Variants in NALF1 observed in about 807,000 individuals in gnomAD.
NALF1 encodes NALCN channel auxiliary factor 1.
NALF1 carries 3 observed loss-of-function variants against 48.4 expected under a neutral mutation model. The ratio of observed to expected loss-of-function variants is 0.06; its 90% CI spans 0.03 to 0.16. NALF1 has a LOEUF of 0.16. NALF1 is among the 10% of genes least tolerant of loss of function. The probability of loss-of-function intolerance (pLI) is 1.00; values close to 1 mark genes in which losing one functional copy is unlikely to be tolerated. For missense variants in NALF1, 526 were observed against 571.5 expected (o/e 0.92, Z 0.81); for synonymous variants, 262 against 245.7 (o/e 1.07, Z -0.62).
At chr13:107,575,616 A>T (rs9301234) in intron 1 of NALF1, among the ~76,000 whole-genome samples, 56,152 of 151,998 alleles carry the variant, frequency 0.37, 11,348 homozygotes, top group South Asian at 0.53. Context: ...TGCTAGATGT[A>T]GCCCATTTCC....
At chr13:107,432,545 G>C (rs1001087539) in intron 1 of NALF1, among the ~76,000 whole-genome samples, 2 of 152,132 alleles carry the variant, frequency 1.3e-5, no homozygotes, top group African/African-American at 2.4e-5. Context: ...GCTTCCCCGG[G>C]TGATTGAAAT....
chr13:107,713,759 A>G (rs1875670230), intron 1 of NALF1, among the ~76,000 whole-genome samples: 2 of 152,236 alleles, frequency 1.3e-5, no homozygotes. Flanking sequence ...ATTTATCAGT[A>G]ATTTTTCTGT....
At chr13:107,544,711 G>A (rs916998506) in intron 1 of NALF1, among the ~76,000 whole-genome samples, 2 of 152,156 alleles carry the variant, frequency 1.3e-5, no homozygotes, top group African/African-American at 4.8e-5. Flanking sequence ...CCAGGGAGAA[G>A]CCTATTATTG....
At chr13:107,862,473 A>T (rs942328549) in intron 1 of NALF1, among the ~76,000 whole-genome samples, 7 of 152,054 alleles carry the variant, frequency 4.6e-5, no homozygotes, top group Non-Finnish European at 7.4e-5. Flanking sequence ...ACAGGGGAAA[A>T]TTTCTGCTGT....
In NALF1 at chr13:107,299,435, CAATAATAATAATAAT is replaced by C. The variant is rs549026613; in HGVS notation, c.916-88695_916-88681del. 3.6e-4 allele frequency among the ~76,000 whole-genome samples: 45 copies of C among 124,144 alleles called. 1 individual carries two copies. In the South Asian group the frequency reaches 0.014, roughly 39 times the overall value. 81.4% of individuals were successfully genotyped at this position (124,144 alleles called of 152,430 possible). ...TGGGCTACAGAGCGAGACTTTGTCT[CAATAATAATAATAAT>C]AATAATAATAATAATAATAATAAAT... On this transcript the variant is annotated intron_variant, in intron 1 of 2. Coordinates refer to ENST00000375915, the MANE Select transcript of NALF1 (RefSeq NM_001080396.3).
At chr13:107,474,579 C>T (rs1885150308) in intron 1 of NALF1, among the ~76,000 whole-genome samples, 2 of 152,152 alleles carry the variant, frequency 1.3e-5, no homozygotes, top group East Asian at 1.9e-4. Flanking sequence ...AATACACATA[C>T]ATACATACAG....
intron 1 of NALF1, among the ~76,000 whole-genome samples, chr13:107,347,113 AT>A (rs943936207): frequency 3.3e-5 from 5 of 152,168 alleles, no homozygotes; most frequent in African/African-American, 1.2e-4. Flanking sequence ...AAGTGTTCAT[AT>A]TTTTTAATGG....
chr13:107,774,336 G>A (rs1295871761), intron 1 of NALF1, among the ~76,000 whole-genome samples: 1 of 152,156 alleles, frequency 6.6e-6, no homozygotes, highest in Non-Finnish European at 1.5e-5. Context: ...ATCAGCTAGG[G>A]AAATGAAGTC....
At chr13:107,539,657 A>G (rs1410875730) in intron 1 of NALF1, among the ~76,000 whole-genome samples, 1 of 152,214 alleles carries the variant, frequency 6.6e-6, no homozygotes, top group Non-Finnish European at 1.5e-5. Flanking sequence ...ATAGTATAAA[A>G]TACACAAAAT....
chr13:107,438,015 A>G (rs1250366729), intron 1 of NALF1, among the ~76,000 whole-genome samples: 1 of 152,234 alleles, frequency 6.6e-6, no homozygotes, highest in African/African-American at 2.4e-5. Flanking sequence ...TAATTATATA[A>G]CATATGTGAT....
chr13:107,450,933 T>C (rs568474578), intron 1 of NALF1, among the ~76,000 whole-genome samples: 1 of 152,338 alleles, frequency 6.6e-6, no homozygotes, highest in East Asian at 1.9e-4. Flanking sequence ...CTGGAGATGA[T>C]GTTTCCATCC....
At chr13:107,206,822 G>A (rs1420834881) in intron 2 of NALF1, among the ~76,000 whole-genome samples, 2 of 152,172 alleles carry the variant, frequency 1.3e-5, no homozygotes, top group African/African-American at 4.8e-5. Flanking sequence ...GTGCAGTTAC[G>A]TGCTTACAGA....
At chr13:107,254,321 C>T (rs1408399844) in intron 1 of NALF1, among the ~76,000 whole-genome samples, 2 of 152,232 alleles carry the variant, frequency 1.3e-5, no homozygotes, top group African/African-American at 2.4e-5. Flanking sequence ...AAAGCACGCA[C>T]GCTCAGCCTT....
intron 1 of NALF1, among the ~76,000 whole-genome samples, chr13:107,740,100 G>A (rs1354540248): frequency 6.6e-6 from 1 of 152,184 alleles, no homozygotes; most frequent in Non-Finnish European, 1.5e-5. Context: ...CCCCCAGTCT[G>A]TGGAAAAATT....
chr13:107,211,218 C>T (rs142356487), intron 1 of NALF1, among the ~76,000 whole-genome samples: 39 of 152,274 alleles, frequency 2.6e-4, no homozygotes, highest in African/African-American at 8.9e-4. Flanking sequence ...ATAAAGATGG[C>T]CCAGCAGGGG....
At chr13:107,458,043 C>A (rs1455794363) in intron 1 of NALF1, among the ~76,000 whole-genome samples, 1 of 152,182 alleles carries the variant, frequency 6.6e-6, no homozygotes, top group Non-Finnish European at 1.5e-5. Flanking sequence ...GCCCTCAAAA[C>A]CCAAAGCAGT....
At position 107,210,571 on chromosome 13, in the gene NALF1, C is replaced by T; in HGVS notation, c.1087+13G>A. On this transcript the variant is annotated intron_variant, in intron 2 of 2. Coordinates refer to ENST00000375915, the MANE Select transcript of NALF1 (RefSeq NM_001080396.3). Reference sequence around the variant, plus strand: ...CCGGAGACTGGTGTACAGACTCCCACCCGGCACTGTACCTGTACAGATGAA... The same window carrying T: ...CCGGAGACTGGTGTACAGACTCCCATCCGGCACTGTACCTGTACAGATGAA... The T allele has an allele frequency of 1.3e-6, 2 of 1,598,320 alleles. No individual in the cohort carries two copies. The highest frequency in any genetic ancestry group is 2.2e-5 in the East Asian group (1 of 44,802).
intron 1 of NALF1, among the ~76,000 whole-genome samples, chr13:107,479,735 T>C (rs987740900): frequency 1.3e-5 from 2 of 152,206 alleles, no homozygotes; most frequent in Admixed American, 6.5e-5. Context: ...TATGCTCCTA[T>C]AGTTTTAGCC....
intron 2 of NALF1, among the ~76,000 whole-genome samples, chr13:107,204,215 G>A (rs937762728): frequency 2.6e-5 from 4 of 152,226 alleles, no homozygotes; most frequent in Non-Finnish European, 5.9e-5. Context: ...TCACCCAGGT[G>A]AGCTGGAGGC....
Sources: allele counts gnomAD v4.1 joint callset (sites outside exome capture counted in the v4.1 genomes callset), GRCh38; gene constraint gnomAD v4.1.1; transcripts MANE v1.5; gene names NCBI Gene and HGNC (gene_info 2026-07-23, HGNC 2026-07-21).